MYO1H: variants seen among roughly 807,000 people sequenced by gnomAD.
MYO1H encodes the protein unconventional myosin-Ih.
Under a neutral mutation model 149.3 loss-of-function variants are expected in MYO1H, and 118 were observed. The ratio of observed to expected loss-of-function variants is 0.79; its 90% CI spans 0.68 to 0.92. MYO1H has a LOEUF of 0.92. Among genes scored for constraint, MYO1H ranks in the 40% least tolerant of loss-of-function variants. The probability of loss-of-function intolerance (pLI) is 0.00; values close to 1 mark genes in which losing one functional copy is unlikely to be tolerated. For missense variants in MYO1H, 1,212 were observed against 1,280.7 expected, an observed-to-expected ratio of 0.95 and a Z score of 0.82; for synonymous variants, 447 against 465.2, an observed-to-expected ratio of 0.96 and a Z score of 0.50.
intron 1 of MYO1H, among the ~76,000 whole-genome samples, chr12:109,360,378 A>G (rs1868717464): frequency 6.6e-6 from 1 of 152,166 alleles, no homozygotes; most frequent in Non-Finnish European, 1.5e-5. Context: ...TCAGAGTTTC[A>G]ACGATGCTTT....
intron 1 of MYO1H, among the ~76,000 whole-genome samples, chr12:109,386,682 T>C (rs538544039): frequency 7.2e-5 from 11 of 152,320 alleles, no homozygotes; most frequent in Admixed American, 5.9e-4. Context: ...CAAATTTTCA[T>C]TGGGTTTGTC....
chr12:109,357,036 C>G (rs953994615), intron 1 of MYO1H: 1 of 152,166 alleles, frequency 6.6e-6, no homozygotes, highest in African/African-American at 2.4e-5. Flanking sequence ...TTATTCCAAA[C>G]TGGGGACAGC....
chr12:109,358,393 C>G (rs928924168), intron 1 of MYO1H, among the ~76,000 whole-genome samples: 1 of 152,092 alleles, frequency 6.6e-6, no homozygotes, highest in East Asian at 1.9e-4. Flanking sequence ...ACGGTATAAT[C>G]AAGTTGATCT....
intron 20 of MYO1H, among the ~76,000 whole-genome samples, chr12:109,433,608 C>T (rs1251037005): frequency 6.6e-6 from 1 of 152,188 alleles, no homozygotes; most frequent in Non-Finnish European, 1.5e-5. Context: ...CAGGGCTTCC[C>T]CACTCCAGAG....
intron 1 of MYO1H, among the ~76,000 whole-genome samples, chr12:109,362,795 G>A (rs1317329552): frequency 6.6e-6 from 1 of 152,198 alleles, no homozygotes; most frequent in African/African-American, 2.4e-5. Context: ...TTAAGGCAAA[G>A]TCACCCAGTT....
chr12:109,318,577 T>C, the MYO1H span, among the ~76,000 whole-genome samples: 1 of 152,184 alleles, frequency 6.6e-6, no homozygotes, highest in Non-Finnish European at 1.5e-5. Flanking sequence ...ACCTCCATGC[T>C]ATTCTTCCCA....
exon 7 of MYO1H, chr12:109,404,070 C>A: frequency 6.2e-7 from 1 of 1,612,858 alleles, no homozygotes; most frequent in Non-Finnish European, 8.5e-7. Flanking sequence ...TTTACTGAAG[C>A]TGACCTCGAG....
At chr12:109,436,538 G>A (rs746521554) in exon 22 of MYO1H, 70 of 1,608,038 alleles carry the variant, frequency 4.4e-5, no homozygotes, top group Non-Finnish European at 5.7e-5. Context: ...GAGAGAATAC[G>A]TGAAAAAAAG....
At chr12:109,442,172 T>C (rs371274876) in intron 26 of MYO1H, 45 bp from the exon 27 acceptor site, 1 of 1,548,180 alleles carries the variant, frequency 6.5e-7, no homozygotes, top group African/African-American at 1.4e-5. Flanking sequence ...TTCCACAGGA[T>C]TGGTACTTTA....
intron 3 of MYO1H, among the ~76,000 whole-genome samples, chr12:109,395,517 C>T (rs942943102): frequency 7.2e-5 from 11 of 152,030 alleles, no homozygotes; most frequent in African/African-American, 2.2e-4. Flanking sequence ...AGGTGGATCA[C>T]GAGGTCAGGA....
chr12:109,436,074 T>C (rs927909420), intron 21 of MYO1H, among the ~76,000 whole-genome samples: 2 of 152,164 alleles, frequency 1.3e-5, no homozygotes, highest in Non-Finnish European at 2.9e-5. Flanking sequence ...TGATCAGACC[T>C]GGATTCATGC....
chr12:109,362,523 G>C (rs139768255), intron 1 of MYO1H, among the ~76,000 whole-genome samples: 2 of 152,202 alleles, frequency 1.3e-5, no homozygotes, highest in East Asian at 1.9e-4. Flanking sequence ...CACATCACAG[G>C]AGCCTTCAGA....
chr12:109,434,344 T>G (rs1871767826), intron 20 of MYO1H, among the ~76,000 whole-genome samples: 1 of 151,706 alleles, frequency 6.6e-6, no homozygotes, highest in Non-Finnish European at 1.5e-5. Flanking sequence ...ACATTATTTG[T>G]CTGGCTGGGC....
chr12:109,405,711 G>T (rs1870348048), intron 7 of MYO1H, among the ~76,000 whole-genome samples: 1 of 152,184 alleles, frequency 6.6e-6, no homozygotes, highest in Non-Finnish European at 1.5e-5. Context: ...ACTGAATGAG[G>T]CTGTTTCCCT....
intron 1 of MYO1H, among the ~76,000 whole-genome samples, chr12:109,349,974 A>C (rs920813892): frequency 6.7e-6 from 1 of 148,500 alleles, no homozygotes; most frequent in Non-Finnish European, 1.5e-5. Flanking sequence ...AAAAAAAAAA[A>C]GTTAATATTA....
the MYO1H span, among the ~76,000 whole-genome samples, chr12:109,327,584 A>G: frequency 3.3e-5 from 5 of 151,796 alleles, no homozygotes; most frequent in Non-Finnish European, 5.9e-5. Context: ...TGTCTCTACT[A>G]AAAACATAAA....
intron 31 of MYO1H, among the ~76,000 whole-genome samples, chr12:109,446,745 T>C (rs952337376): frequency 1.3e-5 from 2 of 152,184 alleles, no homozygotes; most frequent in African/African-American, 2.4e-5. Context: ...GCCTGGGCGA[T>C]AGAGTGAGAC....
At position 109,424,919 on chromosome 12, in the gene MYO1H, T is replaced by C; in HGVS notation, c.1725+91T>C. 2.2e-6 allele frequency: 2 copies of C among 905,920 alleles called. 1 individual carries two copies. Among genetic ancestry groups the C allele is most frequent in the South Asian group, 2.8e-5 (2 of 71,540 alleles). The allele number at this position is 905,920 out of a possible 1,614,324, so 56.1% of individuals were successfully genotyped here. A position where few individuals can be genotyped will look rare whatever the true frequency, so the allele number is the denominator to read the frequency against. ...TACGCTTTTTAAGCCACCTTCCCCTTTTCTGGAAGTATTACTCTCTAACAG... is the reference window on the plus strand; with the variant it reads ...TACGCTTTTTAAGCCACCTTCCCCTCTTCTGGAAGTATTACTCTCTAACAG... On this transcript the variant is annotated intron_variant, in intron 17 of 31. Transcript: ENST00000310903.
At chr12:109,393,242 C>G (rs181300365) in intron 2 of MYO1H, 89 bp from the exon 3 acceptor site, 1 of 799,814 alleles carries the variant, frequency 1.3e-6, no homozygotes, top group Admixed American at 2.1e-5. Flanking sequence ...TTTAAATCCT[C>G]CATGTGGAAT....
Sources: gnomAD v4.1 joint callset for allele counts (sites outside exome capture counted in the v4.1 genomes callset) on GRCh38, gnomAD v4.1.1 for gene constraint, MANE v1.5 for transcripts, NCBI Gene and HGNC (gene_info 2026-07-23, HGNC 2026-07-21) for gene names.